Variants in VAV3 observed in about 807,000 individuals in gnomAD.
The protein encoded by VAV3 is guanine nucleotide exchange factor VAV3.
In VAV3, 94 loss-of-function variants were observed where a neutral mutation model predicts 131.2. The ratio of observed to expected loss-of-function variants is 0.72; its 90% CI spans 0.61 to 0.85. The LOEUF (loss-of-function observed/expected upper bound fraction) is 0.85, where lower values mean the gene tolerates loss of function less well. Ranked by LOEUF, VAV3 falls within the 40% of genes least tolerant of loss-of-function variation. The pLI, the probability that VAV3 is intolerant of heterozygous loss-of-function variation, is 0.00. For missense variants in VAV3, 939 were observed against 1,002.7 expected (o/e 0.94, Z 0.86); for synonymous variants, 349 against 342.0 (o/e 1.02, Z -0.22).
intron 15 of VAV3, among the ~76,000 whole-genome samples, chr1:107,724,019 G>A (rs768221140): frequency 1.3e-5 from 2 of 151,890 alleles, no homozygotes; most frequent in East Asian, 1.9e-4. Flanking sequence ...TCCAAGGCTC[G>A]TGAAGCGACT....
chr1:107,596,363 A>G (rs1341816465), intron 24 of VAV3, 22 bp from the exon 25 acceptor site: 5 of 1,610,026 alleles, frequency 3.1e-6, no homozygotes, highest in Admixed American at 1.7e-5. Flanking sequence ...AGAATCCAAC[A>G]TATTTTTGAT....
At chr1:107,574,998 CGT>C (rs1218147004) in intron 25 of VAV3, among the ~76,000 whole-genome samples, 11 of 144,554 alleles carry the variant, frequency 7.6e-5, no homozygotes, top group African/African-American at 2.5e-4. Context: ...TGTGTGCGTG[CGT>C]GCGCGCGCGC....
chr1:107,873,024 G>A (rs72689608), intron 2 of VAV3, among the ~76,000 whole-genome samples: 2,544 of 152,248 alleles, frequency 0.017, 30 homozygotes, highest in Non-Finnish European at 0.026. Context: ...GTTCTAAAGA[G>A]ATAGCTACTC....
chr1:107,752,919 C>T (rs1434505596), intron 12 of VAV3, among the ~76,000 whole-genome samples: 1 of 152,060 alleles, frequency 6.6e-6, no homozygotes, highest in Non-Finnish European at 1.5e-5. Context: ...ACATAATGAC[C>T]ATACAACCCA....
At chr1:107,725,550 T>C (rs1259548201) in intron 15 of VAV3, among the ~76,000 whole-genome samples, 1 of 152,162 alleles carries the variant, frequency 6.6e-6, no homozygotes, top group Non-Finnish European at 1.5e-5. Context: ...AGTCTCACTG[T>C]GTTGCCCAGT....
intron 11 of VAV3, among the ~76,000 whole-genome samples, chr1:107,756,004 C>T (rs918613666): frequency 2.6e-5 from 4 of 152,066 alleles, no homozygotes; most frequent in African/African-American, 9.7e-5. Flanking sequence ...TGAGAGCATT[C>T]GGTCAAGGAA....
At chr1:107,739,951 G>C (rs1489239865) in intron 15 of VAV3, among the ~76,000 whole-genome samples, 1 of 152,148 alleles carries the variant, frequency 6.6e-6, no homozygotes. Context: ...ATTGCTGCTG[G>C]GAAGAAAATG....
intron 2 of VAV3, among the ~76,000 whole-genome samples, chr1:107,790,230 C>G (rs939462554): frequency 2.0e-5 from 3 of 152,182 alleles, no homozygotes; most frequent in African/African-American, 7.2e-5. Context: ...TCCACACAGG[C>G]CTTATGTGCT....
chr1:107,755,989 G>T (rs1664080865), intron 11 of VAV3, among the ~76,000 whole-genome samples: 2 of 152,142 alleles, frequency 1.3e-5, no homozygotes, highest in Admixed American at 1.3e-4. Flanking sequence ...AGTCTTCTTG[G>T]TTCCTGAGAG....
chr1:107,875,586 G>A (rs1670458125), intron 1 of VAV3, among the ~76,000 whole-genome samples: 1 of 152,132 alleles, frequency 6.6e-6, no homozygotes, highest in Non-Finnish European at 1.5e-5. Context: ...GTGAGTAATG[G>A]GGGGAAAAGG....
intron 25 of VAV3, among the ~76,000 whole-genome samples, chr1:107,576,113 C>T (rs1649626927): frequency 1.3e-5 from 2 of 151,864 alleles, no homozygotes; most frequent in Non-Finnish European, 2.9e-5. Context: ...GATTTTTCAT[C>T]CCCCTTTATA....
intron 18 of VAV3, among the ~76,000 whole-genome samples, chr1:107,685,038 C>A (rs778510998): frequency 6.6e-6 from 1 of 152,014 alleles, no homozygotes; most frequent in Non-Finnish European, 1.5e-5. Context: ...TGATTTTATA[C>A]CTGCTACTAT....
rs1160340721 is a variant in VAV3 at position 107,871,929 on chromosome 1, C to A, written c.321+2972G>T. On this transcript the variant is annotated intron_variant, in intron 2 of 26. Coordinates refer to ENST00000370056, the MANE Select transcript of VAV3 (RefSeq NM_006113.5). ...TTAGAGTAAACAACTTTAACCACCACTGGGCTGCAGACTCATGCAGTATCC... is the reference window on the plus strand; with the variant it reads ...TTAGAGTAAACAACTTTAACCACCAATGGGCTGCAGACTCATGCAGTATCC... 2.0e-5 allele frequency among the ~76,000 whole-genome samples: 3 copies of A among 152,204 alleles called. No individual in the cohort carries two copies. The East Asian group carries it at 5.8e-4, about 29-fold the overall frequency.
intron 1 of VAV3, among the ~76,000 whole-genome samples, chr1:107,927,541 G>A (rs926307015): frequency 6.6e-6 from 1 of 152,070 alleles, no homozygotes; most frequent in African/African-American, 2.4e-5. Context: ...CCCAGCAACA[G>A]AGAGCCCACT....
chr1:107,656,613 T>A (rs1219280470), intron 19 of VAV3, among the ~76,000 whole-genome samples: 1 of 152,126 alleles, frequency 6.6e-6, no homozygotes, highest in Admixed American at 6.5e-5. Flanking sequence ...AATTCAAATG[T>A]TCCAAGCATA....
intron 15 of VAV3, among the ~76,000 whole-genome samples, chr1:107,714,866 T>C (rs1480905830): frequency 1.3e-5 from 2 of 152,192 alleles, no homozygotes; most frequent in Non-Finnish European, 2.9e-5. Context: ...TGAAAAATAG[T>C]ATTTTCTTAT....
intron 23 of VAV3, 45 bp downstream of exon 23, chr1:107,603,002 T>C (rs759294755): frequency 3.3e-6 from 5 of 1,517,462 alleles, no homozygotes; most frequent in South Asian, 1.1e-5. Context: ...TATGCAATTA[T>C]GAAAACAGGA....
intron 15 of VAV3, among the ~76,000 whole-genome samples, chr1:107,719,194 A>G (rs1661326144): frequency 1.3e-5 from 2 of 152,240 alleles, no homozygotes; most frequent in African/African-American, 4.8e-5. Context: ...AACAGAAGCC[A>G]AAATAGACAA....
chr1:107,683,037 G>T (rs1658759817), intron 19 of VAV3, among the ~76,000 whole-genome samples: 1 of 152,166 alleles, frequency 6.6e-6, no homozygotes, highest in Non-Finnish European at 1.5e-5. Context: ...CAAAAAACAT[G>T]CTGCTATTAT....
Sources: gnomAD v4.1 joint callset for allele counts (sites outside exome capture counted in the v4.1 genomes callset) on GRCh38, gnomAD v4.1.1 for gene constraint, MANE v1.5 for transcripts, NCBI Gene and HGNC (gene_info 2026-07-23, HGNC 2026-07-21) for gene names.